WASF3: variants seen among roughly 807,000 people sequenced by gnomAD.
WASF3 encodes actin-binding protein WASF3.
Under a neutral mutation model 46.6 loss-of-function variants are expected in WASF3, and 11 were observed. That is an observed-to-expected ratio of 0.24 (90% CI 0.15 to 0.39). The LOEUF is 0.39. WASF3 is among the 10% of genes least tolerant of loss of function. WASF3 has a pLI of 1.00. For missense variants in WASF3, 576 were observed against 669.8 expected (o/e 0.86, Z 1.55); for synonymous variants, 242 against 259.7 (o/e 0.93, Z 0.65).
At chr13:26,567,852 C>T (rs926626591) in intron 1 of WASF3, among the ~76,000 whole-genome samples, 2 of 151,786 alleles carry the variant, frequency 1.3e-5, no homozygotes, top group Admixed American at 6.6e-5. Flanking sequence ...AAGCGAAGCA[C>T]GTGAAGAGAG....
chr13:26,594,968 C>G (rs555507283), intron 1 of WASF3, among the ~76,000 whole-genome samples: 1 of 152,332 alleles, frequency 6.6e-6, no homozygotes, highest in East Asian at 1.9e-4. Context: ...TTCCCAACAA[C>G]AACTTCCTTT....
intron 2 of WASF3, among the ~76,000 whole-genome samples, chr13:26,629,978 A>G (rs982535282): frequency 5.3e-5 from 8 of 151,782 alleles, no homozygotes; most frequent in African/African-American, 1.7e-4. Flanking sequence ...TGTTTTCCTT[A>G]TTTTTTAAAT....
intron 3 of WASF3, among the ~76,000 whole-genome samples, chr13:26,656,016 T>G (rs1882455103): frequency 6.6e-6 from 1 of 152,164 alleles, no homozygotes; most frequent in South Asian, 2.1e-4. Flanking sequence ...CAAAATCTTG[T>G]CAAACCAAGA....
Position 26,681,112 on chromosome 13 carries a change from C to T in WASF3, c.775C>T (p.His259Tyr), listed in dbSNP as rs1331230957. The change falls in exon 8 of 10, where the codon CAC (histidine) becomes TAC (tyrosine). Residue 259 changes from histidine to tyrosine, a missense_variant. By Grantham distance (83) the His-to-Tyr change is moderately conservative. This residue lies in a region of WASF3 where 295 missense variants were observed against 291.5 expected (regional missense o/e 1.01). Coordinates refer to ENST00000335327, the MANE Select transcript of WASF3 (RefSeq NM_006646.6). ...SYPATPNHSLHPQPVTPSYAA... is the reference protein window; with the variant it reads ...SYPATPNHSLYPQPVTPSYAA... ...CCCGGCTACTCCCAACCATTCTCTG[C>T]ACCCCCAGCCTGTGACCCCTTCCTA... 1.2e-6 allele frequency: 2 copies of T among 1,614,222 alleles called. No homozygotes were observed. The highest frequency in any genetic ancestry group is 2.2e-5 in the East Asian group (1 of 44,882).
intron 3 of WASF3, among the ~76,000 whole-genome samples, chr13:26,645,840 A>G (rs531784819): frequency 3.6e-4 from 55 of 152,302 alleles, no homozygotes; most frequent in African/African-American, 1.3e-3. Flanking sequence ...TTGAGGGGTC[A>G]TCCAGTTTCT....
In WASF3 at chr13:26,682,873, C is replaced by T. The variant is rs1310386651; in HGVS notation, c.1250C>T (p.Ser417Phe). 1 of 1,612,124 alleles carries T rather than the reference C, an allele frequency of 6.2e-7. No homozygotes were observed. ...GGTCCCGGGTCTTCTCTTTCGTCCT[C>T]CCCAATGCATGGCCCCCCAGTAGCT... ...PPGPGSSLSS[S>F]PMHGPPVAEA... Residue 417 changes from serine (S) to phenylalanine (F), a missense_variant, in exon 9 of 10, where the codon TCC becomes TTC. By Grantham distance (155) the Ser-to-Phe change is radical. Transcript: ENST00000335327. The surrounding 1 kb of genome is among the most constrained non-coding windows in gnomAD (Gnocchi z 4.4).
chr13:26,677,775 C>T (rs952021762), intron 7 of WASF3, among the ~76,000 whole-genome samples: 4 of 152,194 alleles, frequency 2.6e-5, no homozygotes, highest in African/African-American at 7.2e-5. Flanking sequence ...GGAATTATAA[C>T]ACAGTTCTGC....
intron 1 of WASF3, among the ~76,000 whole-genome samples, chr13:26,607,236 C>T (rs1466929417): frequency 2.6e-5 from 4 of 152,014 alleles, no homozygotes; most frequent in Non-Finnish European, 5.9e-5. Context: ...TAATGCTTTA[C>T]GTTTGTGTGA....
At chr13:26,602,698 C>A (rs184391581) in intron 1 of WASF3, among the ~76,000 whole-genome samples, 20 of 152,140 alleles carry the variant, frequency 1.3e-4, no homozygotes, top group African/African-American at 4.8e-4. Flanking sequence ...CACATGAAAT[C>A]TTTATGTCAG....
Position 26,600,498 on chromosome 13 carries a change from C to A in WASF3, c.-108-12463C>A, listed in dbSNP as rs1456435859. On this transcript the variant is annotated intron_variant, in intron 1 of 9. Coordinates refer to ENST00000335327, the MANE Select transcript of WASF3 (RefSeq NM_006646.6). ...GGCTCAGTAGCAGTGAAGTACATTGCTTCTCATTTTTTCCTTTCTGGTTGC... is the reference window on the plus strand; with the variant it reads ...GGCTCAGTAGCAGTGAAGTACATTGATTCTCATTTTTTCCTTTCTGGTTGC... 2.0e-5 allele frequency among the ~76,000 whole-genome samples: 3 copies of A among 152,170 alleles called. No homozygotes were observed. In the East Asian group the frequency reaches 5.8e-4, roughly 29 times the overall value.
intron 1 of WASF3, among the ~76,000 whole-genome samples, chr13:26,567,590 T>C (rs1252578193): frequency 6.6e-6 from 1 of 152,200 alleles, no homozygotes; most frequent in African/African-American, 2.4e-5. Flanking sequence ...ATATTTGCTA[T>C]CTGGCTCTTT....
chr13:26,678,570 A>T (rs1018603975), intron 7 of WASF3, among the ~76,000 whole-genome samples: 1 of 152,108 alleles, frequency 6.6e-6, no homozygotes, highest in Admixed American at 6.6e-5. Flanking sequence ...AGTGCATCCA[A>T]GATACTGAGG....
intron 1 of WASF3, among the ~76,000 whole-genome samples, chr13:26,583,648 A>G (rs112560916): frequency 6.6e-6 from 1 of 152,140 alleles, no homozygotes; most frequent in Admixed American, 6.5e-5. Context: ...CAGAAGAATG[A>G]CCCTGAGCAC....
intron 1 of WASF3, among the ~76,000 whole-genome samples, chr13:26,581,656 A>G (rs1879983719): frequency 6.6e-6 from 1 of 152,190 alleles, no homozygotes; most frequent in Non-Finnish European, 1.5e-5. Context: ...CACTGCTTTT[A>G]AGGGGAAGGG....
the WASF3 span, among the ~76,000 whole-genome samples, chr13:26,544,488 G>A: frequency 3.3e-5 from 5 of 152,286 alleles, no homozygotes; most frequent in Non-Finnish European, 7.4e-5. Flanking sequence ...AATGGGAGCC[G>A]CCAGGATGCC....
intron 3 of WASF3, among the ~76,000 whole-genome samples, chr13:26,662,214 T>A (rs1475243584): frequency 6.6e-6 from 1 of 152,206 alleles, no homozygotes; most frequent in African/African-American, 2.4e-5. Context: ...GGAATGTAAA[T>A]TAGTTCAGCC....
chr13:26,599,067 C>T (rs1157245634), intron 1 of WASF3, among the ~76,000 whole-genome samples: 1 of 151,794 alleles, frequency 6.6e-6, no homozygotes, highest in Non-Finnish European at 1.5e-5. Flanking sequence ...GACAGGGCTT[C>T]GCCATGTTGG....
chr13:26,549,450 A>G, the WASF3 span, among the ~76,000 whole-genome samples: 2 of 152,116 alleles, frequency 1.3e-5, no homozygotes, highest in African/African-American at 4.8e-5. Flanking sequence ...ATAAAGCTTC[A>G]TTATCTTTAT....
At chr13:26,585,256 T>C (rs1411318683) in intron 1 of WASF3, among the ~76,000 whole-genome samples, 2 of 145,502 alleles carry the variant, frequency 1.4e-5, no homozygotes, top group Non-Finnish European at 3.2e-5. Flanking sequence ...GGTATAGAAC[T>C]AAAGATCCAA....
Sources: gnomAD v4.1 joint callset for allele counts (sites outside exome capture counted in the v4.1 genomes callset) on GRCh38, gnomAD v4.1.1 for gene constraint, gnomAD v4.1.1 regional missense constraint, Gnocchi (gnomAD v3.1) non-coding constraint, MANE v1.5 for transcripts, NCBI Gene and HGNC (gene_info 2026-07-23, HGNC 2026-07-21) for gene names.